CNOT4: variants seen among roughly 807,000 people sequenced by gnomAD.
The protein encoded by CNOT4 is CCR4-associated factor 4.
CNOT4 carries 8 observed loss-of-function variants against 73.8 expected under a neutral mutation model. That is an observed-to-expected ratio of 0.11 (90% CI 0.06 to 0.20). CNOT4 has a LOEUF of 0.20. CNOT4 is among the 10% of genes least tolerant of loss of function. CNOT4 has a pLI of 1.00. For missense variants in CNOT4, 564 were observed against 883.4 expected, an observed-to-expected ratio of 0.64 and a Z score of 4.58; for synonymous variants, 293 against 321.1, an observed-to-expected ratio of 0.91 and a Z score of 0.94.
At chr7:135,422,463 C>A in intron 2 of CNOT4, 110 bp from the exon 3 acceptor site, 2 of 614,152 alleles carry the variant, frequency 3.3e-6, no homozygotes, top group East Asian at 2.6e-5. Flanking sequence ...TACATTCTCC[C>A]TTTATTAGAA....
At chr7:135,480,313 C>A (rs1338830575) in intron 1 of CNOT4, among the ~76,000 whole-genome samples, 1 of 152,208 alleles carries the variant, frequency 6.6e-6, no homozygotes, top group African/African-American at 2.4e-5. Context: ...CTCCTCCATT[C>A]TCTAAATCCT....
At chr7:135,487,020 G>A (rs535629343) in intron 1 of CNOT4, among the ~76,000 whole-genome samples, 2 of 152,068 alleles carry the variant, frequency 1.3e-5, no homozygotes, top group Non-Finnish European at 2.9e-5. Flanking sequence ...ATCCAAAAAT[G>A]TGAACTTTTA....
At chr7:135,412,990 T>TGA in intron 6 of CNOT4, among the ~76,000 whole-genome samples, 1 of 152,160 alleles carries the variant, frequency 6.6e-6, no homozygotes, top group South Asian at 2.1e-4. Context: ...GACACTTGCA[T>TGA]GGGGAGAATA....
chr7:135,434,106 T>G (rs1435217465), intron 2 of CNOT4, among the ~76,000 whole-genome samples: 1 of 152,202 alleles, frequency 6.6e-6, no homozygotes, highest in Admixed American at 6.5e-5. Context: ...CATCTCAATA[T>G]GCCACCTCAC....
intron 1 of CNOT4, among the ~76,000 whole-genome samples, chr7:135,478,910 G>A (rs1387471932): frequency 2.0e-5 from 3 of 152,078 alleles, no homozygotes; most frequent in Non-Finnish European, 4.4e-5. Context: ...TAAAAGGATT[G>A]AAAAGAAATC....
intron 1 of CNOT4, among the ~76,000 whole-genome samples, chr7:135,476,805 CTACAAAAAA>C (rs773352824): frequency 3.9e-5 from 6 of 152,118 alleles, no homozygotes; most frequent in Non-Finnish European, 5.9e-5. Context: ...AATCCCATCT[CTACAAAAAA>C]TACAAAATAA....
intron 1 of CNOT4, among the ~76,000 whole-genome samples, chr7:135,474,710 A>G (rs1801885098): frequency 6.6e-6 from 1 of 152,218 alleles, no homozygotes; most frequent in Non-Finnish European, 1.5e-5. Flanking sequence ...TTCTATACAA[A>G]ATAACTGAAA....
intron 1 of CNOT4, among the ~76,000 whole-genome samples, chr7:135,491,379 G>A (rs1300768310): frequency 6.6e-6 from 1 of 152,192 alleles, no homozygotes; most frequent in East Asian, 1.9e-4. Context: ...ATCTACTAAG[G>A]AAGACTAAGG....
chr7:135,458,387 C>T (rs749242209), intron 1 of CNOT4, among the ~76,000 whole-genome samples: 12 of 152,024 alleles, frequency 7.9e-5, no homozygotes, highest in Non-Finnish European at 1.6e-4. Context: ...TTGATGGCTG[C>T]TGATTGATCA....
intron 10 of CNOT4, among the ~76,000 whole-genome samples, chr7:135,377,810 T>A (rs1795602888): frequency 6.6e-6 from 1 of 152,190 alleles, no homozygotes; most frequent in African/African-American, 2.4e-5. Context: ...AGAGACAATC[T>A]TGACAGAACC....
intron 1 of CNOT4, among the ~76,000 whole-genome samples, chr7:135,480,428 A>G (rs1477410647): frequency 6.6e-6 from 1 of 152,080 alleles, no homozygotes; most frequent in East Asian, 1.9e-4. Flanking sequence ...ATCTGAACTG[A>G]CTCCTTACCA....
intron 1 of CNOT4, among the ~76,000 whole-genome samples, chr7:135,493,189 T>C (rs1803231433): frequency 4.6e-5 from 7 of 152,024 alleles, no homozygotes; most frequent in Admixed American, 4.6e-4. Context: ...GGTTGGTTGG[T>C]TGGTTTGTTT....
chr7:135,459,103 A>C lies in CNOT4; in HGVS notation c.-92-20680T>G, dbSNP rs530671417. Among the ~76,000 whole-genome samples, 1,342 of 152,196 alleles carry C rather than the reference A, an allele frequency of 8.8e-3. 22 individuals carry two copies. The highest frequency in any genetic ancestry group is 0.035 in the South Asian group (167 of 4,808). On this transcript the variant is annotated intron_variant, in intron 1 of 11. Transcript: ENST00000541284. ...TACTCCTGGATCCACGGACTGCAGAATAGATGTTGTGTTAGCAGGCATGAA... is the reference window on the plus strand; with the variant it reads ...TACTCCTGGATCCACGGACTGCAGACTAGATGTTGTGTTAGCAGGCATGAA...
At chr7:135,488,023 TGC>T (rs1802850942) in intron 1 of CNOT4, among the ~76,000 whole-genome samples, 1 of 151,576 alleles carries the variant, frequency 6.6e-6, no homozygotes, top group African/African-American at 2.4e-5. Flanking sequence ...ATAGCGCCAC[TGC>T]ACTCCAGCCT....
chr7:135,494,249 C>T (rs1330292828), intron 1 of CNOT4, among the ~76,000 whole-genome samples: 147 of 151,902 alleles, frequency 9.7e-4, no homozygotes, highest in Admixed American at 2.4e-3. Flanking sequence ...GCGGGCAGAT[C>T]ACCTGAGGTC....
intron 1 of CNOT4, among the ~76,000 whole-genome samples, chr7:135,483,337 CAA>C (rs113026088): frequency 1.4e-5 from 2 of 139,868 alleles, no homozygotes. Flanking sequence ...GACTTTGTCT[CAA>C]AAAAAAAAAT....
intron 1 of CNOT4, among the ~76,000 whole-genome samples, chr7:135,482,902 C>A (rs1384900433): frequency 6.6e-6 from 1 of 150,490 alleles, no homozygotes; most frequent in African/African-American, 2.5e-5. Context: ...AGGAGAATCT[C>A]CTGAGCCTGG....
At chr7:135,475,880 C>T (rs1801960099) in intron 1 of CNOT4, among the ~76,000 whole-genome samples, 1 of 152,100 alleles carries the variant, frequency 6.6e-6, no homozygotes, top group Admixed American at 6.5e-5. Context: ...CACTGCACTC[C>T]AGCCTGGGTG....
At chr7:135,483,181 T>TAA (rs376143035) in intron 1 of CNOT4, among the ~76,000 whole-genome samples, 7 of 136,748 alleles carry the variant, frequency 5.1e-5, no homozygotes, top group East Asian at 2.1e-4. Flanking sequence ...CAAAAAAATT[T>TAA]AAAAAAAAAA....
Sources: gnomAD v4.1 joint callset for allele counts (sites outside exome capture counted in the v4.1 genomes callset) on GRCh38, gnomAD v4.1.1 for gene constraint, MANE v1.5 for transcripts, NCBI Gene and HGNC (gene_info 2026-07-23, HGNC 2026-07-21) for gene names.